GATAD2B: variants seen among roughly 807,000 people sequenced by gnomAD.
GATAD2B encodes transcriptional repressor p66-beta.
Under a neutral mutation model 64.3 loss-of-function variants are expected in GATAD2B, and 8 were observed. The observed-to-expected ratio is 0.12, with a 90% CI of 0.07 to 0.22. GATAD2B has a LOEUF of 0.22. Ranked by LOEUF, GATAD2B falls within the 10% of genes least tolerant of loss-of-function variation. The pLI, the probability that GATAD2B is intolerant of heterozygous loss-of-function variation, is 1.00. For synonymous variants in GATAD2B, 281 were observed against 271.3 expected (o/e 1.04, Z -0.35); for missense variants, 453 against 752.0 (o/e 0.60, Z 4.65).
At chr1:153,865,879 T>C (rs1293464627) in intron 1 of GATAD2B, among the ~76,000 whole-genome samples, 1 of 152,038 alleles carries the variant, frequency 6.6e-6, no homozygotes, top group East Asian at 1.9e-4. Flanking sequence ...CCCCAGCATT[T>C]AGGGAAGCTG....
intron 1 of GATAD2B, among the ~76,000 whole-genome samples, chr1:153,901,844 T>TAAA (rs1180767682): frequency 2.0e-5 from 3 of 148,392 alleles, no homozygotes; most frequent in South Asian, 2.1e-4. Context: ...AATAAATAAA[T>TAAA]AAATAAATAA....
intron 6 of GATAD2B, among the ~76,000 whole-genome samples, chr1:153,817,004 A>C (rs553840108): frequency 6.6e-6 from 1 of 152,300 alleles, no homozygotes; most frequent in African/African-American, 2.4e-5. Context: ...ACTGCACTCT[A>C]GCCTGGGCAA....
chr1:153,857,735 A>G (rs540389125), intron 1 of GATAD2B, among the ~76,000 whole-genome samples: 6 of 152,286 alleles, frequency 3.9e-5, no homozygotes, highest in Admixed American at 6.5e-5. Context: ...CATGTGAAGA[A>G]GAGCTCCTTT....
rs534152036 is a variant in GATAD2B, at chr1:153,817,261, T to C, written c.900+111A>G. On this transcript the variant is annotated intron_variant, in intron 6 of 10. Transcript: ENST00000368655. ...TAAATCCCTACCAAAATAACCATTT[T>C]TGTCCTAGAGTTTATCTATGTATAA... 3 of 1,022,214 alleles carry C rather than the reference T, an allele frequency of 2.9e-6. No individual in the cohort carries two copies. The Admixed American group carries it at 8.8e-5, about 30-fold the overall frequency. The allele number at this position is 1,022,214 out of a possible 1,614,324, so 63.3% of individuals were successfully genotyped here. A position where few individuals can be genotyped will look rare whatever the true frequency, so the allele number is the denominator to read the frequency against.
Position 153,819,744 on chromosome 1 carries a change from G to C in GATAD2B, c.336-9C>G, listed in dbSNP as rs774858817. On this transcript the variant is annotated splice_polypyrimidine_tract_variant and intron_variant, in intron 2 of 10. Coordinates refer to ENST00000368655, the MANE Select transcript of GATAD2B (RefSeq NM_020699.4). The stretch of plus-strand genomic sequence containing the variant: ...TTCCTCGCTCTGGCTCACTAGACAA[G>C]AAAGGGAAAAAATAAGCTATTTCCA... 6.3e-7 allele frequency: 1 copy of C among 1,578,090 alleles called. No homozygotes were observed. The highest frequency in any genetic ancestry group is 8.6e-7 in the Non-Finnish European group (1 of 1,168,234).
At chr1:153,847,580 C>T (rs1675732699) in intron 1 of GATAD2B, among the ~76,000 whole-genome samples, 3 of 152,200 alleles carry the variant, frequency 2.0e-5, no homozygotes, top group Admixed American at 2.0e-4. Context: ...ATCTATTTGG[C>T]TGCTTTCATA....
intron 2 of GATAD2B, among the ~76,000 whole-genome samples, chr1:153,826,006 CT>C (rs11319966): frequency 0.67 from 95,997 of 142,868 alleles, 34,371 homozygotes; most frequent in Non-Finnish European, 0.82. Context: ...TATAAACTGA[CT>C]TTTTTTTTTT....
chr1:153,879,048 T>C (rs1457429845), intron 1 of GATAD2B, among the ~76,000 whole-genome samples: 5 of 152,084 alleles, frequency 3.3e-5, no homozygotes. Context: ...CAAGCGATTC[T>C]CCTGCCTCAG....
intron 1 of GATAD2B, among the ~76,000 whole-genome samples, chr1:153,920,738 C>G (rs1314644116): frequency 6.6e-6 from 1 of 152,132 alleles, no homozygotes; most frequent in Non-Finnish European, 1.5e-5. Flanking sequence ...TAAGCCTCAC[C>G]TCTACTCAAA....
intron 1 of GATAD2B, among the ~76,000 whole-genome samples, chr1:153,832,214 TC>T (rs749826047): frequency 7.6e-5 from 9 of 118,220 alleles, no homozygotes; most frequent in Non-Finnish European, 1.6e-4. Context: ...AGACTCCATC[TC>T]AAAAAAAAAA....
chr1:153,896,433 C>CTTT (rs35275252), intron 1 of GATAD2B, among the ~76,000 whole-genome samples: 1 of 115,982 alleles, frequency 8.6e-6, no homozygotes, highest in African/African-American at 3.2e-5. Context: ...GTAAAATTTT[C>CTTT]TTTTTTTTTT....
intron 2 of GATAD2B, among the ~76,000 whole-genome samples, chr1:153,820,513 C>T (rs560634614): frequency 9.2e-5 from 14 of 152,336 alleles, no homozygotes; most frequent in South Asian, 2.1e-4. Flanking sequence ...TTCCCAAATC[C>T]GTGACTGTAT....
intron 1 of GATAD2B, among the ~76,000 whole-genome samples, chr1:153,837,902 T>C (rs757271963): frequency 6.6e-5 from 10 of 152,240 alleles, no homozygotes; most frequent in Non-Finnish European, 8.8e-5. Context: ...GTGATCCTAA[T>C]AATAACAAAT....
chr1:153,830,104 C>T (rs561903810), intron 1 of GATAD2B, among the ~76,000 whole-genome samples: 4 of 152,058 alleles, frequency 2.6e-5, no homozygotes, highest in Admixed American at 2.6e-4. Context: ...AAAACAAAAA[C>T]AAAACAAGAC....
At position 153,806,335 on chromosome 1, in the gene GATAD2B, C is replaced by T. The variant is rs976568080; in HGVS notation, c.*3842G>A. 3 of 121,760 alleles carry T rather than the reference C, an allele frequency of 2.5e-5. No homozygotes were observed. Among genetic ancestry groups the T allele is most frequent in the Non-Finnish European group, 3.3e-5 (2 of 60,622 alleles). The allele number at this position is 121,760 out of a possible 1,614,324, so 7.5% of individuals were successfully genotyped here. ...CTCTGCCAAGGCAGTGCTGGTGACC[C>T]GGAGGGACTACTCCAGGGTGGGGAG... is the stretch of plus-strand genomic sequence containing the variant. On this transcript the variant is annotated 3_prime_UTR_variant, in exon 11 of 11. Transcript: ENST00000368655.
intron 1 of GATAD2B, among the ~76,000 whole-genome samples, chr1:153,829,097 T>C (rs1292014797): frequency 6.6e-6 from 1 of 151,594 alleles, no homozygotes; most frequent in Non-Finnish European, 1.5e-5. Context: ...CCCAGCTACT[T>C]GGGAGGCTAA....
intron 1 of GATAD2B, among the ~76,000 whole-genome samples, chr1:153,854,402 C>CAAAA (rs1349655244): frequency 1.3e-5 from 2 of 151,924 alleles, no homozygotes; most frequent in African/African-American, 4.8e-5. Context: ...GACTCCGTCT[C>CAAAA]AAAAAACAAA....
chr1:153,894,929 C>G (rs189180418), intron 1 of GATAD2B, among the ~76,000 whole-genome samples: 1 of 152,206 alleles, frequency 6.6e-6, no homozygotes, highest in East Asian at 1.9e-4. Context: ...GGGGCCAAGG[C>G]AGGTGGATCA....
At chr1:153,860,697 G>A (rs1054076772) in intron 1 of GATAD2B, among the ~76,000 whole-genome samples, 6 of 152,122 alleles carry the variant, frequency 3.9e-5, no homozygotes, top group African/African-American at 1.4e-4. Flanking sequence ...GTCTCTTTCT[G>A]TCACCCAGGC....
Sources: allele counts gnomAD v4.1 joint callset (sites outside exome capture counted in the v4.1 genomes callset), GRCh38; gene constraint gnomAD v4.1.1; transcripts MANE v1.5; gene names NCBI Gene and HGNC (gene_info 2026-07-23, HGNC 2026-07-21).